PPM1L: variants seen among roughly 807,000 people sequenced by gnomAD.
PPM1L encodes the protein protein phosphatase, Mg2+/Mn2+ dependent 1L.
Under a neutral mutation model 31.4 loss-of-function variants are expected in PPM1L, and 13 were observed. The ratio of observed to expected loss-of-function variants is 0.41; its 90% CI spans 0.27 to 0.66. The LOEUF (loss-of-function observed/expected upper bound fraction) is 0.66, where lower values mean the gene tolerates loss of function less well. Among genes scored for constraint, PPM1L ranks in the 30% least tolerant of loss-of-function variants. The pLI is 0.29. For synonymous variants in PPM1L, 184 were observed against 175.4 expected (o/e 1.05, Z -0.39); for missense variants, 326 against 453.7 (o/e 0.72, Z 2.56).
chr3:160,973,764 GT>G (rs75599237), intron 2 of PPM1L, among the ~76,000 whole-genome samples: 207 of 88,350 alleles, frequency 2.3e-3, no homozygotes, highest in African/African-American at 5.7e-3. Context: ...GAAAGGCCCT[GT>G]TTTTTTTTTT....
chr3:160,806,840 G>A (rs1228547508), intron 1 of PPM1L, among the ~76,000 whole-genome samples: 3 of 149,068 alleles, frequency 2.0e-5, no homozygotes, highest in African/African-American at 7.4e-5. Context: ...AAGAAAGAAG[G>A]AAAGAAGGAA....
chr3:160,996,934 A>G (rs1322496811), intron 2 of PPM1L, among the ~76,000 whole-genome samples: 2 of 152,218 alleles, frequency 1.3e-5, no homozygotes, highest in African/African-American at 4.8e-5. Flanking sequence ...TAGGCAAGGC[A>G]ATAGCAGGAA....
At chr3:160,942,314 C>A (rs1213040887) in intron 1 of PPM1L, among the ~76,000 whole-genome samples, 1 of 152,036 alleles carries the variant, frequency 6.6e-6, no homozygotes, top group Non-Finnish European at 1.5e-5. Context: ...AGGCTGGTTT[C>A]AAACTCCCTG....
intron 1 of PPM1L, among the ~76,000 whole-genome samples, chr3:160,827,583 GAC>G (rs1713394788): frequency 6.6e-6 from 1 of 151,848 alleles, no homozygotes; most frequent in Non-Finnish European, 1.5e-5. Flanking sequence ...TTTTAAAGAT[GAC>G]ACTTGGAGAG....
intron 1 of PPM1L, among the ~76,000 whole-genome samples, chr3:160,783,649 T>C (rs1388884835): frequency 6.6e-6 from 1 of 151,020 alleles, no homozygotes; most frequent in East Asian, 1.9e-4. Context: ...AATTAAATAA[T>C]GGAGGTATCA....
chr3:161,011,005 A>G (rs1472090924), intron 2 of PPM1L, among the ~76,000 whole-genome samples: 3 of 152,154 alleles, frequency 2.0e-5, no homozygotes, highest in Non-Finnish European at 4.4e-5. Context: ...TGCTGTACAG[A>G]AGCTCTTTAG....
intron 1 of PPM1L, among the ~76,000 whole-genome samples, chr3:160,831,927 C>G (rs1415357873): frequency 6.6e-6 from 1 of 152,172 alleles, no homozygotes; most frequent in Non-Finnish European, 1.5e-5. Flanking sequence ...AGCAGGTACC[C>G]TGTATTGTTC....
intron 2 of PPM1L, among the ~76,000 whole-genome samples, chr3:160,981,373 T>C (rs1166919854): frequency 1.3e-5 from 2 of 152,196 alleles, no homozygotes; most frequent in Admixed American, 1.3e-4. Context: ...GGCAGAAAGC[T>C]TCATTTCCTG....
intron 2 of PPM1L, among the ~76,000 whole-genome samples, chr3:161,036,722 A>T (rs982737234): frequency 6.6e-5 from 10 of 152,136 alleles, no homozygotes; most frequent in African/African-American, 1.7e-4. Context: ...CATACTAGTC[A>T]TTATCAACCT....
chr3:160,850,299 G>T (rs924185595), intron 1 of PPM1L, among the ~76,000 whole-genome samples: 1 of 152,220 alleles, frequency 6.6e-6, no homozygotes, highest in Non-Finnish European at 1.5e-5. Flanking sequence ...GTGGGTTGTT[G>T]TTGACCCAGC....
intron 2 of PPM1L, among the ~76,000 whole-genome samples, chr3:161,055,981 C>T (rs1297369342): frequency 1.3e-5 from 2 of 152,088 alleles, no homozygotes; most frequent in African/African-American, 4.8e-5. Flanking sequence ...AATCCGTACC[C>T]CACAACATAA....
At chr3:160,997,514 A>AT (rs1717362198) in intron 2 of PPM1L, among the ~76,000 whole-genome samples, 1 of 152,108 alleles carries the variant, frequency 6.6e-6, no homozygotes, top group Non-Finnish European at 1.5e-5. Flanking sequence ...CATTTGTTGA[A>AT]TTTTTTTACG....
At chr3:161,031,899 A>G (rs141171557) in intron 2 of PPM1L, among the ~76,000 whole-genome samples, 3 of 152,292 alleles carry the variant, frequency 2.0e-5, no homozygotes, top group Non-Finnish European at 2.9e-5. Flanking sequence ...ACAGCTTTCT[A>G]TAAGGGCCAC....
At chr3:160,817,872 CT>C (rs1044133356) in intron 1 of PPM1L, among the ~76,000 whole-genome samples, 6 of 151,914 alleles carry the variant, frequency 3.9e-5, no homozygotes, top group African/African-American at 1.4e-4. Context: ...GATAAGTATT[CT>C]CTTTTGATGA....
At chr3:160,887,565 ATAT>A (rs1381677914) in intron 1 of PPM1L, among the ~76,000 whole-genome samples, 1 of 146,248 alleles carries the variant, frequency 6.8e-6, no homozygotes. Flanking sequence ...TTGGGGGCTA[ATAT>A]TCAACTTTTT....
At chr3:161,046,198 T>A (rs1398969352) in intron 2 of PPM1L, among the ~76,000 whole-genome samples, 1 of 144,130 alleles carries the variant, frequency 6.9e-6, no homozygotes, top group Non-Finnish European at 1.5e-5. Context: ...CTAGCAAGAC[T>A]AATAAAGAAG....
At position 160,926,639 on chromosome 3, in the gene PPM1L, A is replaced by G. The variant is rs77828744; in HGVS notation, c.400-35097A>G. ...AAAGAATCTGTTAGCTGTGCTGACT[A>G]TGGCTCCCTCTGATTAAGTAGGGGG... is the stretch of plus-strand genomic sequence containing the variant. On this transcript the variant is annotated intron_variant, in intron 1 of 3. Coordinates refer to ENST00000498165, the MANE Select transcript of PPM1L (RefSeq NM_139245.4). 0.011 allele frequency among the ~76,000 whole-genome samples: 1,740 copies of G among 152,300 alleles called. 65 individuals carry two copies. The East Asian group carries it at 0.12, about 10-fold the overall frequency.
At chr3:160,928,256 T>G (rs2108077076) in intron 1 of PPM1L, among the ~76,000 whole-genome samples, 1 of 152,190 alleles carries the variant, frequency 6.6e-6, no homozygotes, top group Non-Finnish European at 1.5e-5. Flanking sequence ...AATTGTGGGG[T>G]GGGGTTCAAG....
chr3:160,817,099 G>T (rs1713020372), intron 1 of PPM1L, among the ~76,000 whole-genome samples: 2 of 152,098 alleles, frequency 1.3e-5, no homozygotes, highest in Non-Finnish European at 2.9e-5. Context: ...AGAACAAAAA[G>T]GAAGCTGTAG....
Sources: allele counts gnomAD v4.1 joint callset (sites outside exome capture counted in the v4.1 genomes callset), GRCh38; gene constraint gnomAD v4.1.1; transcripts MANE v1.5; gene names NCBI Gene and HGNC (gene_info 2026-07-23, HGNC 2026-07-21).